PIK3C2G: variants seen among roughly 807,000 people sequenced by gnomAD.
PIK3C2G encodes the protein phosphatidylinositol 3-kinase C2 domain-containing subunit gamma.
A neutral mutation model predicts 181.1 loss-of-function variants in PIK3C2G; 168 were observed. The observed-to-expected ratio is 0.93, with a 90% confidence interval of 0.82 to 1.05. PIK3C2G has a LOEUF of 1.05. Ranked by LOEUF, PIK3C2G falls within the 50% of genes least tolerant of loss-of-function variation. The pLI is 0.00. For synonymous variants in PIK3C2G, 573 were observed against 592.2 expected, an observed-to-expected ratio of 0.97 and a Z score of 0.47; for missense variants, 1,869 against 1,732.8, an observed-to-expected ratio of 1.08 and a Z score of -1.40.
chr12:18,628,339 T>C (rs1949193336), intron 31 of PIK3C2G, among the ~76,000 whole-genome samples: 1 of 152,180 alleles, frequency 6.6e-6, no homozygotes, highest in East Asian at 1.9e-4. Context: ...TTTCACTTAC[T>C]TTATAAACAG....
At chr12:18,478,884 A>G (rs1414788030) in intron 18 of PIK3C2G, among the ~76,000 whole-genome samples, 1 of 151,568 alleles carries the variant, frequency 6.6e-6, no homozygotes, top group Non-Finnish European at 1.5e-5. Context: ...GTGAGGTGGG[A>G]GGTTCAGTGG....
rs188968526 is a variant in PIK3C2G at position 18,492,430 on chromosome 12, G to C, written c.2793+872G>C. ...ATCTTTATCACTTTGCCACAAGTAA[G>C]ACTCCCTGAAAATTTTTTGATATGC... On this transcript the variant is annotated intron_variant, in intron 20 of 32. Transcript: ENST00000538779. Among the ~76,000 whole-genome samples, 156 of 152,260 alleles carry C rather than the reference G, an allele frequency of 1.0e-3. 1 individual carries two copies. Among genetic ancestry groups the C allele is most frequent in the Admixed American group, 4.4e-3 (68 of 15,286 alleles).
intron 1 of PIK3C2G, among the ~76,000 whole-genome samples, chr12:18,278,892 G>A (rs912385919): frequency 6.6e-6 from 1 of 151,970 alleles, no homozygotes; most frequent in Admixed American, 6.6e-5. Flanking sequence ...AAATGGATCT[G>A]GAAGAGGTTG....
chr12:18,623,481 G>T (rs569907343), intron 31 of PIK3C2G, among the ~76,000 whole-genome samples: 7 of 151,692 alleles, frequency 4.6e-5, no homozygotes, highest in Admixed American at 4.6e-4. Context: ...ATGCCTCAGG[G>T]TTTGTTCTTT....
At chr12:18,653,732 C>T in the PIK3C2G span, among the ~76,000 whole-genome samples, 10 of 152,232 alleles carry the variant, frequency 6.6e-5, no homozygotes, top group African/African-American at 2.4e-4. Context: ...AAAGGAAAGA[C>T]ACTCATTATT....
At position 18,418,342 on chromosome 12, in the gene PIK3C2G, A is replaced by G. The variant is rs185399568; in HGVS notation, c.2316-2599A>G. Among the ~76,000 whole-genome samples, 5 of 152,268 alleles carry G rather than the reference A, an allele frequency of 3.3e-5. No individual in the cohort carries two copies. In the East Asian group the frequency reaches 9.7e-4, roughly 30 times the overall value. On this transcript the variant is annotated intron_variant, in intron 16 of 32. Transcript: ENST00000538779. ...AAGAACTAAGGGAGGGTTTTCCAGC[A>G]GAAGTTACAGTGTGCACAAAGGTGA... is the stretch of plus-strand genomic sequence containing the variant.
downstream of PIK3C2G, among the ~76,000 whole-genome samples, chr12:18,650,925 T>C (rs1428057730): frequency 6.6e-6 from 1 of 151,466 alleles, no homozygotes; most frequent in African/African-American, 2.4e-5. Context: ...GTCTCCTCCT[T>C]TCTATGCTTA....
intron 19 of PIK3C2G, among the ~76,000 whole-genome samples, chr12:18,490,990 T>G (rs950627350): frequency 1.3e-5 from 2 of 152,218 alleles, no homozygotes; most frequent in African/African-American, 4.8e-5. Context: ...TTTGTCATTG[T>G]TGTTACTACT....
rs555136052 is a variant in PIK3C2G, at chr12:18,404,863, G to T, written c.2315+5016G>T. ...TGCACAAATCTGGCATCAGTATAAA[G>T]AACAGATTGAAAAAAGAAGAAAATG... On this transcript the variant is annotated intron_variant, in intron 16 of 32. Transcript: ENST00000538779. Among the ~76,000 whole-genome samples, 11 of 151,976 alleles carry T rather than the reference G, an allele frequency of 7.2e-5. No homozygotes were observed. The East Asian group carries it at 1.2e-3, about 16-fold the overall frequency.
intron 31 of PIK3C2G, among the ~76,000 whole-genome samples, chr12:18,617,615 C>A (rs184008750): frequency 6.6e-6 from 1 of 152,246 alleles, no homozygotes; most frequent in African/African-American, 2.4e-5. Context: ...CATTAGCAGT[C>A]TATTTTTCTG....
chr12:18,570,239 T>C (rs570822987), intron 29 of PIK3C2G, among the ~76,000 whole-genome samples: 3 of 152,032 alleles, frequency 2.0e-5, no homozygotes, highest in Admixed American at 2.0e-4. Context: ...AGATGGAGTT[T>C]TGCTCGTCAC....
intron 24 of PIK3C2G, among the ~76,000 whole-genome samples, chr12:18,528,803 A>G (rs896258277): frequency 6.6e-6 from 1 of 152,182 alleles, no homozygotes; most frequent in Non-Finnish European, 1.5e-5. Context: ...GCCTGGCACA[A>G]TCAAGTGCCC....
Position 18,535,181 on chromosome 12 carries a change from T to C in PIK3C2G, c.3324-2975T>C, listed in dbSNP as rs1484733307. 2.2e-4 allele frequency among the ~76,000 whole-genome samples: 34 copies of C among 152,102 alleles called. 1 individual carries two copies. The highest frequency in any genetic ancestry group is 2.2e-3 in the Admixed American group (34 of 15,252). On this transcript the variant is annotated intron_variant, in intron 24 of 32. Coordinates refer to ENST00000538779, the MANE Select transcript of PIK3C2G (RefSeq NM_001288772.2). ...TAAATTTTATCCTAACTGAAATTTC[T>C]ACATCTTACAGGAATAGATGGGATT...
chr12:18,435,052 G>T lies in PIK3C2G; in HGVS notation c.2504+11013G>T, dbSNP rs191771207. Among the ~76,000 whole-genome samples the T allele has an allele frequency of 2.5e-3, 372 of 151,402 alleles. 1 individual carries two copies. Among genetic ancestry groups the T allele is most frequent in the Non-Finnish European group, 3.9e-3 (266 of 67,894 alleles). On this transcript the variant is annotated intron_variant, in intron 18 of 32. Transcript: ENST00000538779. Reference sequence around the variant, plus strand: ...TTTATGTAGCCATGGTATACGACTGGCATCTCAGCTCAAGAAATTCAAAAC... The same window carrying T: ...TTTATGTAGCCATGGTATACGACTGTCATCTCAGCTCAAGAAATTCAAAAC...
At chr12:18,616,572 A>G (rs747047358) in intron 31 of PIK3C2G, among the ~76,000 whole-genome samples, 1 of 152,074 alleles carries the variant, frequency 6.6e-6, no homozygotes, top group Admixed American at 6.6e-5. Flanking sequence ...AACCCTGAAC[A>G]CTTTCCTTCT....
At chr12:18,545,502 GTCT>G (rs1250276195) in intron 25 of PIK3C2G, among the ~76,000 whole-genome samples, 2 of 150,972 alleles carry the variant, frequency 1.3e-5, no homozygotes, top group Non-Finnish European at 2.9e-5. Context: ...GCTGATAACA[GTCT>G]TCATTTTTTT....
intron 1 of PIK3C2G, among the ~76,000 whole-genome samples, chr12:18,276,616 T>C (rs1022376254): frequency 6.6e-6 from 1 of 152,140 alleles, no homozygotes; most frequent in Non-Finnish European, 1.5e-5. Flanking sequence ...ATCCTACAAA[T>C]AAAATGGAGC....
the PIK3C2G span, among the ~76,000 whole-genome samples, chr12:18,676,538 G>C: frequency 6.6e-6 from 1 of 152,052 alleles, no homozygotes; most frequent in Non-Finnish European, 1.5e-5. Context: ...TACATACATG[G>C]TAGTTATGTT....
At chr12:18,497,339 C>T (rs1051399888) in intron 21 of PIK3C2G, among the ~76,000 whole-genome samples, 12 of 152,106 alleles carry the variant, frequency 7.9e-5, no homozygotes, top group South Asian at 2.1e-4. Context: ...AGAAATCACA[C>T]GTGGATAATA....
Sources: gnomAD v4.1 joint callset for allele counts (sites outside exome capture counted in the v4.1 genomes callset) on GRCh38, gnomAD v4.1.1 for gene constraint, MANE v1.5 for transcripts, NCBI Gene and HGNC (gene_info 2026-07-23, HGNC 2026-07-21) for gene names.